Variants in NEK10 observed in about 807,000 individuals in gnomAD.
NEK10 encodes the protein NIMA related kinase 10.
A neutral mutation model predicts 159.8 loss-of-function variants in NEK10; 122 were observed. The observed-to-expected ratio is 0.76, with a 90% CI of 0.66 to 0.89. The LOEUF (loss-of-function observed/expected upper bound fraction) is 0.89. Ranked by LOEUF, NEK10 falls within the 40% of genes least tolerant of loss-of-function variation. The pLI, the probability that NEK10 is intolerant of heterozygous loss-of-function variation, is 0.00. For synonymous variants in NEK10, 466 were observed against 457.1 expected (o/e 1.02, Z -0.25); for missense variants, 1,342 against 1,323.1 (o/e 1.01, Z -0.22).
chr3:27,367,020 G>C lies in NEK10; in HGVS notation c.-38+2205C>G, dbSNP rs577016441. ...AGATGGGGTTTCACCATGTGGGCCA[G>C]GCTGATCTTGAACTCCTGACCTCAG... On this transcript the variant is annotated intron_variant, in intron 1 of 35. Coordinates refer to ENST00000691995, the MANE Select transcript of NEK10 (RefSeq NM_001394966.1). Among the ~76,000 whole-genome samples, 123 of 152,014 alleles carry C rather than the reference G, an allele frequency of 8.1e-4. 1 individual carries two copies. Among genetic ancestry groups the C allele is most frequent in the Admixed American group, 1.9e-3 (29 of 15,262 alleles).
chr3:27,340,743 T>G lies in NEK10; in HGVS notation c.362+3529A>C, dbSNP rs114921693. ...TGTGGATAAGAGGGAACTCATACAC[T>G]GTTTGTGGGAATGCAAATTAGTACA... is the stretch of plus-strand genomic sequence containing the variant. On this transcript the variant is annotated intron_variant, in intron 5 of 35. Coordinates refer to ENST00000691995, the MANE Select transcript of NEK10 (RefSeq NM_001394966.1). 4.6e-3 allele frequency among the ~76,000 whole-genome samples: 696 copies of G among 152,310 alleles called. 14 individuals carry two copies. In the South Asian group the frequency reaches 0.069, roughly 15 times the overall value.
At chr3:27,338,463 G>A (rs2046969161) in intron 5 of NEK10, among the ~76,000 whole-genome samples, 1 of 152,224 alleles carries the variant, frequency 6.6e-6, no homozygotes, top group Admixed American at 6.5e-5. Context: ...AATGGGGATT[G>A]CTGGGTCAAA....
At chr3:27,337,023 C>A (rs1165364150) in intron 5 of NEK10, among the ~76,000 whole-genome samples, 1 of 147,292 alleles carries the variant, frequency 6.8e-6, no homozygotes, top group Non-Finnish European at 1.5e-5. Context: ...AAGGCATACA[C>A]ATTTGGCGGG....
chr3:27,225,062 T>C (rs767414334), intron 23 of NEK10, among the ~76,000 whole-genome samples: 6 of 152,142 alleles, frequency 3.9e-5, no homozygotes, highest in Non-Finnish European at 7.3e-5. Context: ...AATTGCAAGG[T>C]CCCACAATAG....
At position 27,172,114 on chromosome 3, in the gene NEK10, G is replaced by A. The variant is rs577900107; in HGVS notation, c.2777-241C>T. Among the ~76,000 whole-genome samples the A allele has an allele frequency of 9.7e-4, 148 of 151,988 alleles. 1 individual carries two copies. The highest frequency in any genetic ancestry group is 3.4e-3 in the African/African-American group (142 of 41,458). On this transcript the variant is annotated intron_variant, in intron 28 of 35. Coordinates refer to ENST00000691995, the MANE Select transcript of NEK10 (RefSeq NM_001394966.1). ...AGCACTTTGTGAGGCCGAGGTAGAT[G>A]AATCATGAGGTCAAGAGAGCGAGAC... is the stretch of plus-strand genomic sequence containing the variant.
intron 5 of NEK10, among the ~76,000 whole-genome samples, chr3:27,332,981 C>A (rs892794697): frequency 1.3e-5 from 2 of 152,162 alleles, no homozygotes; most frequent in African/African-American, 4.8e-5. Flanking sequence ...TGACTAGGGG[C>A]ATTTTGTACT....
chr3:27,206,256 T>A (rs959026813), intron 23 of NEK10, among the ~76,000 whole-genome samples: 2 of 152,292 alleles, frequency 1.3e-5, no homozygotes, highest in East Asian at 1.9e-4. Flanking sequence ...TAGTGACTAG[T>A]AGAAGTACTA....
intron 5 of NEK10, among the ~76,000 whole-genome samples, chr3:27,340,177 A>G (rs2047101919): frequency 6.6e-6 from 1 of 152,234 alleles, no homozygotes; most frequent in African/African-American, 2.4e-5. Flanking sequence ...CTATGCAGCC[A>G]TAAAAAAGAA....
chr3:27,220,577 G>A (rs1575319966), intron 23 of NEK10, among the ~76,000 whole-genome samples: 3 of 152,058 alleles, frequency 2.0e-5, no homozygotes, highest in Non-Finnish European at 1.5e-5. Flanking sequence ...ATCTTGCGGG[G>A]GTGGGGGGAT....
At chr3:27,352,578 G>A in intron 2 of NEK10, 53 bp from the exon 3 acceptor site, 1 of 1,341,164 alleles carries the variant, frequency 7.5e-7, no homozygotes, top group East Asian at 2.3e-5. Context: ...AGGTGAACAA[G>A]ATCGTGTTAC....
At chr3:27,155,929 G>T (rs1306447461) in intron 30 of NEK10, among the ~76,000 whole-genome samples, 1 of 152,094 alleles carries the variant, frequency 6.6e-6, no homozygotes, top group African/African-American at 2.4e-5. Flanking sequence ...CATGGTACTG[G>T]TATAAAAATA....
At chr3:27,147,492 T>C (rs1243319684) in intron 30 of NEK10, among the ~76,000 whole-genome samples, 1 of 152,248 alleles carries the variant, frequency 6.6e-6, no homozygotes, top group Admixed American at 6.5e-5. Context: ...CATCAGCTCC[T>C]TTCACCTCTG....
At chr3:27,187,531 C>A (rs921164194) in intron 26 of NEK10, among the ~76,000 whole-genome samples, 1 of 151,916 alleles carries the variant, frequency 6.6e-6, no homozygotes, top group African/African-American at 2.4e-5. Context: ...AGAGGCAGAA[C>A]CTTTAAAGTT....
At chr3:27,197,632 T>C (rs1949672604) in intron 25 of NEK10, among the ~76,000 whole-genome samples, 1 of 152,216 alleles carries the variant, frequency 6.6e-6, no homozygotes, top group Non-Finnish European at 1.5e-5. Context: ...TCCTGCAACT[T>C]CGCTGAAGTT....
At chr3:27,279,659 A>G (rs1268746379) in intron 22 of NEK10, among the ~76,000 whole-genome samples, 1 of 152,202 alleles carries the variant, frequency 6.6e-6, no homozygotes, top group Non-Finnish European at 1.5e-5. Flanking sequence ...CAGTCATAAA[A>G]TCATTTTATA....
Position 27,352,822 on chromosome 3 carries a change from T to G in NEK10, c.61A>C (p.Ile21Leu). The change falls in exon 2 of 36, where the codon ATC (isoleucine) becomes CTC (leucine). Residue 21 changes from isoleucine (I) to leucine (L), a missense_variant. By Grantham distance (5) the Ile-to-Leu change is conservative. Transcript: ENST00000691995. ...TEKSTDKQQE[I>L]TIRDYSDLKR... ...TCAGTAGGGAGTTACCTGATGGTGA[T>G]TTCTTGCTGTTTATCAGTTGATTTT... 1 of 1,608,658 alleles carries G rather than the reference T, an allele frequency of 6.2e-7. No individual in the cohort carries two copies. Among genetic ancestry groups the G allele is most frequent in the Non-Finnish European group, 8.5e-7 (1 of 1,175,388 alleles).
In NEK10 at chr3:27,304,881, A is replaced by G; in HGVS notation, c.894T>C (p.Ser298=). Residue 298 remains serine, a synonymous_variant, in exon 12 of 36, where the codon AGT becomes AGC. Coordinates refer to ENST00000691995, the MANE Select transcript of NEK10 (RefSeq NM_001394966.1). ...GCTTCAAGTGGTCAGAGTGGAGCAG[A>G]CTGAGGAGGACCGGTATCCCCTCAT... ...KLYEGIPVLL[S]LLHSDHLKLL... is the part of the protein sequence containing the mutation. The G allele has an allele frequency of 4.3e-6, 7 of 1,613,298 alleles. No individual in the cohort carries two copies. The highest frequency in any genetic ancestry group is 5.9e-6 in the Non-Finnish European group (7 of 1,179,246).
At position 27,346,152 on chromosome 3, in the gene NEK10, G is replaced by T. The variant is rs201821707; in HGVS notation, c.197C>A (p.Ala66Glu). The change falls in exon 4 of 36, where the codon GCG becomes GAG. Residue 66 changes from alanine to glutamate, a missense_variant. By Grantham distance (107) the Ala-to-Glu change is moderately radical. Coordinates refer to ENST00000691995, the MANE Select transcript of NEK10 (RefSeq NM_001394966.1). ...CTGACCCCGAGCTCTGTGTCCACCC[G>T]CCCTGATGGCGGGCTCAGACTTCGT... The part of the protein sequence containing the change: ...SMTKSEPAIR[A>E]GGHRARGQWH... 5 of 1,613,420 alleles carry T rather than the reference G, an allele frequency of 3.1e-6. No homozygotes were observed. Among genetic ancestry groups the T allele is most frequent in the Admixed American group, 1.7e-5 (1 of 59,978 alleles).
At chr3:27,158,819 T>C (rs1945745998) in intron 30 of NEK10, among the ~76,000 whole-genome samples, 1 of 152,180 alleles carries the variant, frequency 6.6e-6, no homozygotes, top group Admixed American at 6.5e-5. Flanking sequence ...ACTAATAGAA[T>C]CCATAACATT....
Sources: allele counts gnomAD v4.1 joint callset (sites outside exome capture counted in the v4.1 genomes callset), GRCh38; gene constraint gnomAD v4.1.1; transcripts MANE v1.5; gene names NCBI Gene and HGNC (gene_info 2026-07-23, HGNC 2026-07-21).